ANKIB1: variants seen among roughly 807,000 people sequenced by gnomAD.
ANKIB1 encodes the protein ankyrin repeat and IBR domain-containing protein 1.
In ANKIB1, 43 loss-of-function variants were observed where a neutral mutation model predicts 122.1. That is an observed-to-expected ratio of 0.35 (90% CI 0.28 to 0.45). The LOEUF (loss-of-function observed/expected upper bound fraction) is 0.45, where lower values mean the gene tolerates loss of function less well. Ranked by LOEUF, ANKIB1 falls within the 20% of genes least tolerant of loss-of-function variation. The pLI is 1.00. For missense variants in ANKIB1, 992 were observed against 1,329.5 expected (o/e 0.75, Z 3.95); for synonymous variants, 390 against 442.0 (o/e 0.88, Z 1.48).
chr7:92,396,249 AT>A, intron 17 of ANKIB1, 115 bp from the exon 18 acceptor site: 1 of 664,254 alleles, frequency 1.5e-6, no homozygotes, highest in East Asian at 2.8e-5. Flanking sequence ...AAGTGATTTT[AT>A]AAGATGTGTA....
chr7:92,386,450 C>T, intron 11 of ANKIB1, 59 bp from the exon 12 acceptor site: 1 of 1,476,974 alleles, frequency 6.8e-7, no homozygotes. Flanking sequence ...GGCTATAAAG[C>T]AGAAAATAAT....
intron 8 of ANKIB1, among the ~76,000 whole-genome samples, chr7:92,351,714 T>C (rs957881149): frequency 2.0e-5 from 3 of 150,224 alleles, no homozygotes; most frequent in African/African-American, 7.3e-5. Flanking sequence ...CCTCCTTTTT[T>C]TTTTTGTTTT....
intron 1 of ANKIB1, among the ~76,000 whole-genome samples, chr7:92,269,749 T>C (rs904531840): frequency 6.6e-6 from 1 of 152,132 alleles, no homozygotes; most frequent in African/African-American, 2.4e-5. Flanking sequence ...CTGAAAGTGT[T>C]CAACTATCTC....
intron 1 of ANKIB1, among the ~76,000 whole-genome samples, chr7:92,265,307 G>A (rs1255094703): frequency 2.0e-5 from 3 of 152,160 alleles, no homozygotes; most frequent in African/African-American, 7.2e-5. Flanking sequence ...ATGGAAGGAT[G>A]AGAAGATGTT....
chr7:92,259,392 C>G (rs1801514432), intron 1 of ANKIB1, among the ~76,000 whole-genome samples: 1 of 152,134 alleles, frequency 6.6e-6, no homozygotes, highest in African/African-American at 2.4e-5. Flanking sequence ...GTTGTAGTTT[C>G]TGTATACTTC....
At chr7:92,342,983 A>T in intron 5 of ANKIB1, 41 bp from the exon 6 acceptor site, 1 of 1,562,814 alleles carries the variant, frequency 6.4e-7, no homozygotes, top group South Asian at 1.1e-5. Context: ...ACATTACCAT[A>T]TTTTCTTTTT....
chr7:92,330,332 G>A lies in ANKIB1; in HGVS notation c.787+2432G>A, dbSNP rs7785589. 1.4e-4 allele frequency among the ~76,000 whole-genome samples: 21 copies of A among 151,966 alleles called. No individual in the cohort carries two copies. The South Asian group carries it at 3.1e-3, about 23-fold the overall frequency. On this transcript the variant is annotated intron_variant, in intron 5 of 19. Transcript: ENST00000265742. ...ATTTTTATTGTTAGGTATTGTTTCC[G>A]TAATACCTAATATATATTAATCACT...
chr7:92,309,815 C>T (rs1585100405), intron 3 of ANKIB1, among the ~76,000 whole-genome samples: 1 of 149,974 alleles, frequency 6.7e-6, no homozygotes, highest in Admixed American at 6.6e-5. Context: ...GTCCCAGCTG[C>T]TTGGGAGGCT....
intron 11 of ANKIB1, among the ~76,000 whole-genome samples, chr7:92,377,162 T>C (rs1185010790): frequency 6.6e-6 from 1 of 152,152 alleles, no homozygotes; most frequent in Non-Finnish European, 1.5e-5. Context: ...AAGGGAGAGA[T>C]GTAAGGCTCT....
At chr7:92,282,341 G>A (rs944480946) in intron 1 of ANKIB1, among the ~76,000 whole-genome samples, 4 of 151,854 alleles carry the variant, frequency 2.6e-5, no homozygotes, top group Non-Finnish European at 4.4e-5. Context: ...TTTTAGTAGC[G>A]ACAGGGTTTC....
intron 5 of ANKIB1, among the ~76,000 whole-genome samples, chr7:92,341,322 A>AG (rs979499748): frequency 3.3e-5 from 5 of 152,078 alleles, no homozygotes; most frequent in Admixed American, 1.3e-4. Flanking sequence ...AAAAAAAAAA[A>AG]AAAAAATTTG....
At position 92,319,379 on chromosome 7, in the gene ANKIB1, A is replaced by G; in HGVS notation, c.536A>G (p.Asp179Gly). The G allele has an allele frequency of 6.2e-7, 1 of 1,609,822 alleles. No homozygotes were observed. The highest frequency in any genetic ancestry group is 8.5e-7 in the Non-Finnish European group (1 of 1,178,656). The change falls in exon 4 of 20, where the codon GAT (aspartate) becomes GGT (glycine). Residue 179 changes from aspartate to glycine, a missense_variant. Around this residue, in one of 4 missense-constraint regions of ANKIB1, gnomAD observed 521 missense variants for 777.7 expected, o/e 0.67. Transcript: ENST00000265742. ...GDLFAENENK[D>G]TPCDCAEKQH... The stretch of plus-strand genomic sequence containing the variant: ...TTGTTTGCTGAGAATGAAAATAAAG[A>G]TACTCCTTGTGATTGTGCTGAAAAG...
chr7:92,273,290 CAGAT>C (rs1248038500), intron 1 of ANKIB1, among the ~76,000 whole-genome samples: 2 of 152,160 alleles, frequency 1.3e-5, no homozygotes, highest in South Asian at 2.1e-4. Flanking sequence ...CAGCTGAACT[CAGAT>C]AGGATGGATC....
At chr7:92,264,154 C>T (rs1487463521) in intron 1 of ANKIB1, among the ~76,000 whole-genome samples, 3 of 146,128 alleles carry the variant, frequency 2.1e-5, no homozygotes, top group Admixed American at 6.8e-5. Flanking sequence ...TAGTGTTTTT[C>T]GTCGTCGTTT....
chr7:92,298,449 CT>C (rs1802398621), intron 2 of ANKIB1, among the ~76,000 whole-genome samples: 1 of 151,728 alleles, frequency 6.6e-6, no homozygotes, highest in South Asian at 2.1e-4. Flanking sequence ...TGGTAAAATA[CT>C]TTTTAACCCC....
chr7:92,317,175 G>A (rs1802812018), intron 3 of ANKIB1, among the ~76,000 whole-genome samples: 1 of 152,164 alleles, frequency 6.6e-6, no homozygotes, highest in East Asian at 1.9e-4. Context: ...TCCCCGTATT[G>A]AATAAATTAG....
chr7:92,387,259 C>T (rs1038031828), intron 12 of ANKIB1, among the ~76,000 whole-genome samples: 2 of 152,106 alleles, frequency 1.3e-5, no homozygotes, highest in African/African-American at 4.8e-5. Context: ...TCTTCAAATA[C>T]AGTCACATAG....
chr7:92,314,878 T>C, intron 3 of ANKIB1, among the ~76,000 whole-genome samples: 1 of 152,168 alleles, frequency 6.6e-6, no homozygotes, highest in East Asian at 1.9e-4. Flanking sequence ...GCTAATTCTA[T>C]TGTGAACTGA....
chr7:92,278,787 G>A (rs769170126), intron 1 of ANKIB1, among the ~76,000 whole-genome samples: 37 of 152,260 alleles, frequency 2.4e-4, no homozygotes, highest in Non-Finnish European at 3.7e-4. Flanking sequence ...AGCAGCCTAG[G>A]AAAAAATCCC....
Sources: allele counts gnomAD v4.1 joint callset (sites outside exome capture counted in the v4.1 genomes callset), GRCh38; gene constraint gnomAD v4.1.1; regional missense constraint gnomAD v4.1.1; transcripts MANE v1.5; gene names NCBI Gene and HGNC (gene_info 2026-07-23, HGNC 2026-07-21).